CDH11: variants seen among roughly 807,000 people sequenced by gnomAD.
The protein encoded by CDH11 is cadherin-11.
Under a neutral mutation model 67.8 loss-of-function variants are expected in CDH11, and 11 were observed. The ratio of observed to expected loss-of-function variants is 0.16; its 90% confidence interval spans 0.10 to 0.27. The LOEUF (loss-of-function observed/expected upper bound fraction) is 0.27. Among genes scored for constraint, CDH11 ranks in the 10% least tolerant of loss-of-function variants. The probability of loss-of-function intolerance (pLI) is 1.00; values close to 1 mark genes in which losing one functional copy is unlikely to be tolerated. For missense variants in CDH11, 847 were observed against 1,031.2 expected (o/e 0.82, Z 2.45); for synonymous variants, 419 against 400.0 (o/e 1.05, Z -0.57).
chr16:64,971,794 A>G (rs2142427020), intron 10 of CDH11, 98 bp from the exon 11 acceptor site: 1 of 1,379,854 alleles, frequency 7.2e-7, no homozygotes. Flanking sequence ...TTTTAATTAG[A>G]GAACATAACT....
At chr16:65,080,893 G>T (rs1020494570) in intron 1 of CDH11, among the ~76,000 whole-genome samples, 43 of 152,108 alleles carry the variant, frequency 2.8e-4, no homozygotes, top group African/African-American at 9.9e-4. Flanking sequence ...CATTAAGAAA[G>T]GTTTCTTTCT....
chr16:65,004,382 T>C (rs772604298), intron 3 of CDH11, among the ~76,000 whole-genome samples: 1 of 152,074 alleles, frequency 6.6e-6, no homozygotes, highest in African/African-American at 2.4e-5. Context: ...CTAAATAATA[T>C]GGTAAATGAG....
At chr16:64,970,984 C>A (rs1157214165) in intron 11 of CDH11, among the ~76,000 whole-genome samples, 5 of 152,196 alleles carry the variant, frequency 3.3e-5, no homozygotes, top group Admixed American at 3.3e-4. Context: ...ACATCTATTT[C>A]TAATAATCTG....
chr16:64,981,806 T>C (rs1207975947), intron 8 of CDH11: 7 of 370,604 alleles, frequency 1.9e-5, no homozygotes, highest in African/African-American at 1.0e-4. Flanking sequence ...CGTCACCTAG[T>C]ATGCCTGGGG....
chr16:64,973,397 G>A (rs1332304092), intron 8 of CDH11, among the ~76,000 whole-genome samples: 1 of 152,128 alleles, frequency 6.6e-6, no homozygotes, highest in Non-Finnish European at 1.5e-5. Flanking sequence ...TACTCAGAAA[G>A]TCACAAATGT....
At chr16:65,016,584 C>T (rs1163226399) in intron 2 of CDH11, among the ~76,000 whole-genome samples, 4 of 152,098 alleles carry the variant, frequency 2.6e-5, no homozygotes, top group Non-Finnish European at 5.9e-5. Flanking sequence ...TCTATTGCTC[C>T]AAATGCATTT....
At position 64,988,200 on chromosome 16, in the gene CDH11, G is replaced by A; in HGVS notation, c.956C>T (p.Thr319Ile). The A allele has an allele frequency of 6.2e-7, 1 of 1,612,914 alleles. No individual in the cohort carries two copies. The highest frequency in any genetic ancestry group is 8.5e-7 in the Non-Finnish European group (1 of 1,179,458). Residue 319 changes from threonine (T) to isoleucine (I), a missense_variant, in exon 7 of 13, where the codon ACA (threonine) becomes ATA (isoleucine). Transcript: ENST00000268603. ...DGDGMESFEI[T>I]TDYETQEGVI... The stretch of plus-strand genomic sequence containing the variant: ...CCCCTCCTGTGTTTCATAGTCCGTT[G>A]TGATTTCAAACGATTCCATACCATC...
At position 64,982,173 on chromosome 16, in the gene CDH11, A is replaced by G; in HGVS notation, c.1128T>C (p.Asp376=). Residue 376 remains aspartate (D), a synonymous_variant, in exon 8 of 13, where the codon GAT becomes GAC. Transcript: ENST00000268603. ...DTVTVKISVE[D]ADEPPMFLAP... The stretch of plus-strand genomic sequence containing the variant: ...CCAAGAACATAGGGGGCTCATCAGC[A>G]TCTTCTACTGAGATCTTGACGGTCA... 1 of 1,614,118 alleles carries G rather than the reference A, an allele frequency of 6.2e-7. No individual in the cohort carries two copies. Among genetic ancestry groups the G allele is most frequent in the Non-Finnish European group, 8.5e-7 (1 of 1,180,004 alleles).
In CDH11 at chr16:65,121,955, C is replaced by T. The variant is rs1300008934; in HGVS notation, c.-373G>A. The T allele has an allele frequency of 1.4e-6, 1 of 701,790 alleles. No individual in the cohort carries two copies. The highest frequency in any genetic ancestry group is 1.5e-5 in the South Asian group (1 of 67,550). The allele number at this position is 701,790 out of a possible 1,614,324, so 43.5% of individuals were successfully genotyped here. A position where few individuals can be genotyped will look rare whatever the true frequency, so the allele number is the denominator to read the frequency against. On this transcript the variant is annotated 5_prime_UTR_variant, in exon 1 of 13. Transcript: ENST00000268603. This position sits in a 1 kb window ranked among gnomAD's most constrained non-coding sequence, Gnocchi z 4.1. ...AGGGCAAGCGCTGCGGTGTCAGTCC[C>T]GGCCCCAGTCCCGGTCCCATTCACA...
chr16:65,050,953 AGGGCC>A (rs2074046055), intron 2 of CDH11, among the ~76,000 whole-genome samples: 1 of 152,196 alleles, frequency 6.6e-6, no homozygotes, highest in Non-Finnish European at 1.5e-5. Context: ...AGGAATTCAA[AGGGCC>A]GATGAAATGA....
chr16:65,006,983 G>A (rs772112245), intron 2 of CDH11: 7 of 152,202 alleles, frequency 4.6e-5, no homozygotes, highest in Non-Finnish European at 1.0e-4. Flanking sequence ...CCAGCCATGT[G>A]GAACTCTAAG....
intron 2 of CDH11, among the ~76,000 whole-genome samples, chr16:65,023,650 G>T (rs1247781368): frequency 6.6e-6 from 1 of 152,152 alleles, no homozygotes; most frequent in Non-Finnish European, 1.5e-5. Context: ...TAGGAAAGGG[G>T]TGGGGAGTTC....
intron 11 of CDH11, among the ~76,000 whole-genome samples, chr16:64,951,354 C>T (rs1035044731): frequency 2.0e-5 from 3 of 152,104 alleles, no homozygotes; most frequent in Non-Finnish European, 4.4e-5. Context: ...CCCGGTTAAA[C>T]ATGTCATTCC....
At position 64,947,506 on chromosome 16, in the gene CDH11, A is replaced by G; in HGVS notation, c.*97T>C. The G allele has an allele frequency of 1.3e-6, 2 of 1,513,464 alleles. No homozygotes were observed. The highest frequency in any genetic ancestry group is 1.8e-6 in the Non-Finnish European group (2 of 1,134,170). The allele number at this position is 1,513,464 out of a possible 1,614,324, so 93.8% of individuals were successfully genotyped here. ...TGTAAAACTTTGCCTGTTTTAAATG[A>G]GCCTTTCCTTGATTTAAAAAAATAC... is the stretch of plus-strand genomic sequence containing the variant. On this transcript the variant is annotated 3_prime_UTR_variant, in exon 13 of 13. Transcript: ENST00000268603.
chr16:65,058,151 G>A (rs1323840153), intron 1 of CDH11, among the ~76,000 whole-genome samples: 1 of 152,124 alleles, frequency 6.6e-6, no homozygotes, highest in Non-Finnish European at 1.5e-5. Flanking sequence ...GAGCCTGGGG[G>A]ATCGAGGCTG....
rs537883347 is a variant in CDH11 at position 65,087,165 on chromosome 16, C to A, written c.-297-33237G>T. ...GAACTATTACATTTTGCACCTGACA[C>A]AGGTATTGCTTCCTCCAACAATGAC... On this transcript the variant is annotated intron_variant, in intron 1 of 12. Transcript: ENST00000268603. Among the ~76,000 whole-genome samples, 95 of 152,252 alleles carry A rather than the reference C, an allele frequency of 6.2e-4. 1 individual carries two copies. Among genetic ancestry groups the A allele is most frequent in the Middle Eastern group, 3.4e-3 (1 of 294 alleles).
intron 1 of CDH11, among the ~76,000 whole-genome samples, chr16:65,089,883 G>A (rs1428727978): frequency 6.6e-6 from 1 of 152,052 alleles, no homozygotes; most frequent in Admixed American, 6.5e-5. Flanking sequence ...TGCCATTAGA[G>A]CCAACATTTT....
At chr16:65,087,698 A>C (rs1441359586) in intron 1 of CDH11, among the ~76,000 whole-genome samples, 1 of 152,158 alleles carries the variant, frequency 6.6e-6, no homozygotes, top group Non-Finnish European at 1.5e-5. Context: ...AATGTTAATG[A>C]ATTTTATCAA....
intron 8 of CDH11, 111 bp from the exon 9 acceptor site, chr16:64,973,151 C>T (rs2072061086): frequency 9.6e-7 from 1 of 1,037,398 alleles, no homozygotes; most frequent in African/African-American, 1.6e-5. Context: ...ATTACTTAAG[C>T]TAGATTTTCT....
Sources: allele counts gnomAD v4.1 joint callset (sites outside exome capture counted in the v4.1 genomes callset), GRCh38; gene constraint gnomAD v4.1.1; non-coding constraint Gnocchi (gnomAD v3.1); transcripts MANE v1.5; gene names NCBI Gene and HGNC (gene_info 2026-07-23, HGNC 2026-07-21).